Variants in SEC61A1 observed in about 807,000 individuals in gnomAD.
SEC61A1 encodes the protein SEC61 translocon subunit alpha 1.
In SEC61A1, 15 loss-of-function variants were observed where a neutral mutation model predicts 55.2. The ratio of observed to expected loss-of-function variants is 0.27; its 90% CI spans 0.18 to 0.42. The LOEUF (loss-of-function observed/expected upper bound fraction) is 0.42, where lower values mean the gene tolerates loss of function less well. SEC61A1 is among the 10% of genes least tolerant of loss of function. The pLI, the probability that SEC61A1 is intolerant of heterozygous loss-of-function variation, is 1.00. For synonymous variants in SEC61A1, 247 were observed against 234.0 expected (o/e 1.06, Z -0.51); for missense variants, 284 against 602.6 (o/e 0.47, Z 5.53).
At chr3:128,055,872 A>T in intron 4 of SEC61A1, 121 bp downstream of exon 4, 2 of 794,604 alleles carry the variant, frequency 2.5e-6, no homozygotes, top group Non-Finnish European at 4.2e-6. Context: ...TAGAGTGAAG[A>T]ATGTTAAAGT....
At chr3:128,052,005 T>A, upstream of SEC61A1, 6 of 930,208 alleles carry the variant, frequency 6.5e-6, no homozygotes, top group Non-Finnish European at 1.0e-5. Flanking sequence ...AGGTCCCTGC[T>A]CCAGGGAGCT....
At chr3:128,058,239 C>T (rs1576420119) in intron 5 of SEC61A1, among the ~76,000 whole-genome samples, 1 of 111,792 alleles carries the variant, frequency 8.9e-6, no homozygotes, top group Non-Finnish European at 1.7e-5. Context: ...GACGGAGTCT[C>T]ACTCTGTCGC....
rs201041790 is a variant in SEC61A1, at chr3:128,064,920, G to A, written c.660G>A (p.Leu220=). 3.1e-6 allele frequency: 5 copies of A among 1,613,702 alleles called. No homozygotes were observed. The highest frequency in any genetic ancestry group is 1.3e-5 in the African/African-American group (1 of 75,020). ...EGAIIALFHL[L]ATRTDKVRAL... ...CTATCATCGCACTTTTCCATCTGCT[G>A]GCCACACGCACAGACAAGGTCCGAG... is the stretch of plus-strand genomic sequence containing the variant. The change falls in exon 8 of 12, where the codon CTG becomes CTA. Residue 220 remains leucine (L), a synonymous_variant. Coordinates refer to ENST00000243253, the MANE Select transcript of SEC61A1 (RefSeq NM_013336.4).
chr3:128,052,008 A>C (rs191753131), upstream of SEC61A1: 75 of 933,552 alleles, frequency 8.0e-5, no homozygotes, highest in Middle Eastern at 2.1e-4. Flanking sequence ...TCCCTGCTCC[A>C]GGGAGCTTAC....
chr3:128,066,412 C>T (rs568017389), intron 8 of SEC61A1, among the ~76,000 whole-genome samples: 3 of 151,946 alleles, frequency 2.0e-5, no homozygotes, highest in Non-Finnish European at 4.4e-5. Context: ...ATCATTCCAC[C>T]GTGCTTGCTT....
At chr3:128,054,619 G>C (rs184509684) in intron 2 of SEC61A1, among the ~76,000 whole-genome samples, 88 of 94,242 alleles carry the variant, frequency 9.3e-4, no homozygotes, top group Non-Finnish European at 1.7e-3. Flanking sequence ...TGCCTGCCTA[G>C]AAGTGTTTTT....
chr3:128,053,738 C>T (rs938479395), intron 2 of SEC61A1, among the ~76,000 whole-genome samples: 1 of 152,192 alleles, frequency 6.6e-6, no homozygotes. Context: ...AGCGAAGGGG[C>T]ATGGCTCTGG....
chr3:128,066,021 C>T (rs1343624785), intron 8 of SEC61A1, among the ~76,000 whole-genome samples: 11 of 152,140 alleles, frequency 7.2e-5, no homozygotes, highest in Non-Finnish European at 1.5e-4. Flanking sequence ...GGATTACAGG[C>T]GTGAGCCACC....
Position 128,069,716 on chromosome 3 carries a change from A to T in SEC61A1, c.*54A>T. Reference sequence around the variant, plus strand: ...TGCTCCAGAAGCGCCTCGGAAGGGGAGCTCTCATCATGGCGCGTGCTGCTG... The same window carrying T: ...TGCTCCAGAAGCGCCTCGGAAGGGGTGCTCTCATCATGGCGCGTGCTGCTG... On this transcript the variant is annotated 3_prime_UTR_variant, in exon 12 of 12. Transcript: ENST00000243253. 3 of 1,508,108 alleles carry T rather than the reference A, an allele frequency of 2.0e-6. No homozygotes were observed. The highest frequency in any genetic ancestry group is 2.8e-6 in the Non-Finnish European group (3 of 1,089,898). The allele number at this position is 1,508,108 out of a possible 1,614,324, so 93.4% of individuals were successfully genotyped here.
chr3:128,052,768 C>G, intron 1 of SEC61A1, 67 bp from the exon 2 acceptor site: 1 of 1,540,120 alleles, frequency 6.5e-7, no homozygotes, highest in Non-Finnish European at 9.0e-7. Context: ...CAGAAGGCGT[C>G]CCTGGGTAGC....
intron 6 of SEC61A1, 123 bp from the exon 7 acceptor site, chr3:128,060,385 G>T (rs1315100300): frequency 2.5e-6 from 3 of 1,182,472 alleles, no homozygotes; most frequent in Admixed American, 3.9e-5. Flanking sequence ...ACCGCTCTCT[G>T]GGGCTGAGGA....
Position 128,066,965 on chromosome 3 carries a change from G to A in SEC61A1, c.789G>A (p.Val263=). ...GTTTGGCTTCTCAGGGCTTCCGAGT[G>A]GACCTGCCAATCAAGTCGGCCCGCT... ...AVVIYFQGFR[V]DLPIKSARYR... is the part of the protein sequence containing the mutation. The change falls in exon 9 of 12, where the codon GTG becomes GTA. Residue 263 remains valine, a synonymous_variant. Coordinates refer to ENST00000243253, the MANE Select transcript of SEC61A1 (RefSeq NM_013336.4). The A allele has an allele frequency of 6.2e-7, 1 of 1,614,192 alleles. No individual in the cohort carries two copies. The highest frequency in any genetic ancestry group is 8.5e-7 in the Non-Finnish European group (1 of 1,180,036).
Position 128,055,670 on chromosome 3 carries a change from C to T in SEC61A1, c.142-3C>T, listed in dbSNP as rs201609293. ...GACTGTTTTGCTCTTTGCCTGTTCCCAGATTCCCCTGTTTGGGATCATGTC... is the reference window on the plus strand; with the variant it reads ...GACTGTTTTGCTCTTTGCCTGTTCCTAGATTCCCCTGTTTGGGATCATGTC... On this transcript the variant is annotated splice_region_variant and splice_polypyrimidine_tract_variant and intron_variant, in intron 3 of 11. Coordinates refer to ENST00000243253, the MANE Select transcript of SEC61A1 (RefSeq NM_013336.4). 38 of 1,614,010 alleles carry T rather than the reference C, an allele frequency of 2.4e-5. No homozygotes were observed. The East Asian group carries it at 8.2e-4, about 35-fold the overall frequency.
chr3:128,065,633 C>G (rs941291642), intron 8 of SEC61A1, among the ~76,000 whole-genome samples: 3 of 151,742 alleles, frequency 2.0e-5, no homozygotes, highest in Non-Finnish European at 2.9e-5. Flanking sequence ...GAGCTACATG[C>G]TTTTCCCATT....
In SEC61A1 at chr3:128,068,067, G is replaced by T. The variant is rs557238019; in HGVS notation, c.1244+8G>T. Reference sequence around the variant, plus strand: ...GGTCCATGAACTCAACCGGTGAGTGGTGGCCCCAGGTCCCCAACCTCCCGT... The same window carrying T: ...GGTCCATGAACTCAACCGGTGAGTGTTGGCCCCAGGTCCCCAACCTCCCGT... On this transcript the variant is annotated splice_region_variant and intron_variant, in intron 11 of 11. Transcript: ENST00000243253. 1.4e-5 allele frequency: 22 copies of T among 1,611,854 alleles called. No homozygotes were observed. The East Asian group carries it at 4.2e-4, about 31-fold the overall frequency.
chr3:128,065,304 T>C, intron 8 of SEC61A1: 1 of 596,634 alleles, frequency 1.7e-6, no homozygotes, highest in Non-Finnish European at 3.0e-6. Context: ...ACAGGTAAGA[T>C]ACATTTTTAA....
At chr3:128,058,201 ATTTTT>A (rs57508280) in intron 5 of SEC61A1, among the ~76,000 whole-genome samples, 1 of 79,358 alleles carries the variant, frequency 1.3e-5, no homozygotes, top group Non-Finnish European at 2.2e-5. Flanking sequence ...AAATACGTCT[ATTTTT>A]TTTTTTTTTT....
chr3:128,061,187 A>T (rs1396175781), intron 7 of SEC61A1, among the ~76,000 whole-genome samples: 1 of 152,204 alleles, frequency 6.6e-6, no homozygotes, highest in Non-Finnish European at 1.5e-5. Context: ...AGTCATACAT[A>T]CGTGGCTTTG....
At chr3:128,053,812 G>T (rs1178672545) in intron 2 of SEC61A1, among the ~76,000 whole-genome samples, 1 of 152,204 alleles carries the variant, frequency 6.6e-6, no homozygotes, top group African/African-American at 2.4e-5. Flanking sequence ...CCTTGGCCTT[G>T]TAACTCAGTG....
Sources: gnomAD v4.1 joint callset for allele counts (sites outside exome capture counted in the v4.1 genomes callset) on GRCh38, gnomAD v4.1.1 for gene constraint, MANE v1.5 for transcripts, NCBI Gene and HGNC (gene_info 2026-07-23, HGNC 2026-07-21) for gene names.